The following SPEN variants were observed in gnomAD, a reference collection of about 807,000 sequenced individuals.
The protein encoded by SPEN is spen family transcriptional repressor.
SPEN carries 18 observed loss-of-function variants against 269.9 expected under a neutral mutation model. The ratio of observed to expected loss-of-function variants is 0.07; its 90% confidence interval spans 0.05 to 0.10. SPEN has a LOEUF of 0.10. Ranked by LOEUF, SPEN falls within the 10% of genes least tolerant of loss-of-function variation. SPEN has a pLI of 1.00. For missense variants in SPEN, 3,822 were observed against 4,631.2 expected (o/e 0.83, Z 5.07); for synonymous variants, 1,726 against 1,765.7 (o/e 0.98, Z 0.56).
At position 15,932,599 on chromosome 1, in the gene SPEN, C is replaced by T. The variant is rs369316558; in HGVS notation, c.6359C>T (p.Ser2120Phe). The change falls in exon 11 of 15, where the codon TCC (serine) becomes TTC (phenylalanine). Residue 2120 changes from serine to phenylalanine, a missense_variant. By Grantham distance (155) the Ser-to-Phe change is radical. This residue lies in a region of SPEN where 727 missense variants were observed against 737.9 expected (regional missense o/e 0.99). Coordinates refer to ENST00000375759, the MANE Select transcript of SPEN (RefSeq NM_015001.3). This position sits in a 1 kb window ranked among gnomAD's most constrained non-coding sequence, Gnocchi z 4.2. ...AGGGAATCTGGGGTGGTGGCAGTCT[C>T]CCCTGAGAAAAGTGAGAGTCCCCAA... ...GERESGVVAVSPEKSESPQKE... is the reference protein window; with the variant it reads ...GERESGVVAVFPEKSESPQKE... The T allele has an allele frequency of 1.9e-6, 3 of 1,606,252 alleles. No individual in the cohort carries two copies. Among genetic ancestry groups the T allele is most frequent in the Non-Finnish European group, 2.6e-6 (3 of 1,175,102 alleles).
chr1:15,936,642 C>CGAAAAAAAAA (rs2071278121), intron 11 of SPEN, among the ~76,000 whole-genome samples: 1 of 123,788 alleles, frequency 8.1e-6, no homozygotes. Context: ...GACCCAGTCT[C>CGAAAAAAAAA]AAAAAAAAAA....
At chr1:15,859,382 G>C (rs1001116954) in intron 1 of SPEN, among the ~76,000 whole-genome samples, 5 of 146,066 alleles carry the variant, frequency 3.4e-5, no homozygotes, top group African/African-American at 1.3e-4. Context: ...TTTTGAGAGG[G>C]AGTCTTGCTC....
intron 1 of SPEN, among the ~76,000 whole-genome samples, chr1:15,869,451 TTAC>T (rs2070551225): frequency 6.6e-6 from 1 of 152,244 alleles, no homozygotes; most frequent in Non-Finnish European, 1.5e-5. Context: ...AGTATTAATG[TTAC>T]TACATTAGTG....
At chr1:15,912,040 T>TA (rs1397646720) in intron 5 of SPEN, among the ~76,000 whole-genome samples, 1 of 152,276 alleles carries the variant, frequency 6.6e-6, no homozygotes, top group Non-Finnish European at 1.5e-5. Flanking sequence ...TTATTTCTAT[T>TA]ATGTCCAATA....
intron 1 of SPEN, among the ~76,000 whole-genome samples, chr1:15,851,898 G>A (rs2148700741): frequency 6.6e-6 from 1 of 152,258 alleles, no homozygotes; most frequent in South Asian, 2.1e-4. Flanking sequence ...CAGGGGAATT[G>A]CTTGAACCTG....
chr1:15,934,711 C>A lies in SPEN; in HGVS notation c.8471C>A (p.Thr2824Asn). The A allele has an allele frequency of 6.2e-7, 1 of 1,614,168 alleles. No homozygotes were observed. The highest frequency in any genetic ancestry group is 8.5e-7 in the Non-Finnish European group (1 of 1,180,028). Residue 2824 changes from threonine to asparagine, a missense_variant, in exon 11 of 15, where the codon ACC becomes AAC. Physicochemically the swap from Thr to Asn is moderately conservative, Grantham distance 65. This residue lies in a region of SPEN where 329 missense variants were observed against 431.2 expected (regional missense o/e 0.76). Coordinates refer to ENST00000375759, the MANE Select transcript of SPEN (RefSeq NM_015001.3). The surrounding 1 kb of genome is among the most constrained non-coding windows in gnomAD (Gnocchi z 9.2). ...CTCCTGAGTTACTCAGGGCAGAAGACCGAAGGCCCACAGCGGATCAGCGCC... is the reference window on the plus strand; with the variant it reads ...CTCCTGAGTTACTCAGGGCAGAAGAACGAAGGCCCACAGCGGATCAGCGCC... ...VVLLSYSGQK[T>N]EGPQRISAKI... is the part of the protein sequence containing the mutation.
In SPEN at chr1:15,848,534, G is replaced by A. The variant is rs921137600; in HGVS notation, c.83+384G>A. On this transcript the variant is annotated intron_variant, in intron 1 of 14. Transcript: ENST00000375759. This position sits in a 1 kb window ranked among gnomAD's most constrained non-coding sequence, Gnocchi z 5.1. ...CGCAGTGCCCGGCCCGGAGCAGCCG[G>A]GACCCGAGCCCGCCCGACAGCCGGG... is the stretch of plus-strand genomic sequence containing the variant. Among the ~76,000 whole-genome samples the A allele has an allele frequency of 3.9e-5, 6 of 152,054 alleles. No individual in the cohort carries two copies.
chr1:15,880,163 T>G (rs1366561596), intron 3 of SPEN, among the ~76,000 whole-genome samples: 1 of 152,196 alleles, frequency 6.6e-6, no homozygotes, highest in Non-Finnish European at 1.5e-5. Context: ...GGCACCTTCT[T>G]ACCGTGGGCT....
chr1:15,868,624 T>C (rs1050855554), intron 1 of SPEN, among the ~76,000 whole-genome samples: 3 of 151,818 alleles, frequency 2.0e-5, no homozygotes, highest in African/African-American at 7.3e-5. Flanking sequence ...TTAGTAGAGA[T>C]GGGGTTTCAC....
chr1:15,932,842 A>G lies in SPEN; in HGVS notation c.6602A>G (p.Glu2201Gly). ...GATGCACCAGAGGGCCTTGCCCCAG[A>G]GGACAGGGACAAGCCTGCACACCAA... ...KADAPEGLAP[E>G]DRDKPAHQAS... is the part of the protein sequence containing the mutation. Residue 2201 changes from glutamate to glycine, a missense_variant, in exon 11 of 15, where the codon GAG becomes GGG. Transcript: ENST00000375759. This position sits in a 1 kb window ranked among gnomAD's most constrained non-coding sequence, Gnocchi z 4.2. 6.2e-7 allele frequency: 1 copy of G among 1,614,226 alleles called. No homozygotes were observed. The highest frequency in any genetic ancestry group is 8.5e-7 in the Non-Finnish European group (1 of 1,180,032).
In SPEN at chr1:15,931,060, T is replaced by C. The variant is rs775614667; in HGVS notation, c.4820T>C (p.Val1607Ala). ...GAAAAAGACCAGAAACCCAAAGAGG[T>C]TGAGAAACAGGAAGATACAGAGAAT... The part of the protein sequence containing the change: ...EKEKDQKPKE[V>A]EKQEDTENHP... The change falls in exon 11 of 15, where the codon GTT becomes GCT. Residue 1607 changes from valine (V) to alanine (A), a missense_variant. Physicochemically the swap from Val to Ala is moderately conservative, Grantham distance 64. Coordinates refer to ENST00000375759, the MANE Select transcript of SPEN (RefSeq NM_015001.3). This position sits in a 1 kb window ranked among gnomAD's most constrained non-coding sequence, Gnocchi z 4.8. 1.5e-5 allele frequency: 24 copies of C among 1,613,310 alleles called. No homozygotes were observed. Among genetic ancestry groups the C allele is most frequent in the Non-Finnish European group, 2.0e-5 (24 of 1,179,840 alleles).
Position 15,932,990 on chromosome 1 carries a change from C to A in SPEN, c.6750C>A (p.Pro2250=), listed in dbSNP as rs146031154. ...AATCCCAGACAGATCTGCAACCCCCCGCAGGTGCACAGGCGCTGCAGCCTT... is the reference window on the plus strand; with the variant it reads ...AATCCCAGACAGATCTGCAACCCCCAGCAGGTGCACAGGCGCTGCAGCCTT... The part of the protein sequence containing the change: ...PGESQTDLQP[P]AGAQALQPSE... The change falls in exon 11 of 15, where the codon CCC becomes CCA. Residue 2250 remains proline, a synonymous_variant. Transcript: ENST00000375759. The surrounding 1 kb of genome is among the most constrained non-coding windows in gnomAD (Gnocchi z 4.2). 1.9e-6 allele frequency: 3 copies of A among 1,614,166 alleles called. No individual in the cohort carries two copies. The highest frequency in any genetic ancestry group is 2.5e-6 in the Non-Finnish European group (3 of 1,180,018).
Position 15,938,022 on chromosome 1 carries a change from C to A in SPEN, c.10704+16C>A. On this transcript the variant is annotated intron_variant, in intron 13 of 14. Coordinates refer to ENST00000375759, the MANE Select transcript of SPEN (RefSeq NM_015001.3). ...AAGGATGACGGTAAGACTCTCAGGC[C>A]CAGGTGAGCAACTGCCCCACCTACA... The A allele has an allele frequency of 6.3e-7, 1 of 1,582,516 alleles. No homozygotes were observed. The highest frequency in any genetic ancestry group is 1.1e-5 in the South Asian group (1 of 87,734).
At chr1:15,873,849 G>T in intron 2 of SPEN, 1 of 1,065,870 alleles carries the variant, frequency 9.4e-7, no homozygotes, top group Non-Finnish European at 1.1e-6. Context: ...GGATATATGG[G>T]ATGTCTTGCT....
intron 3 of SPEN, among the ~76,000 whole-genome samples, chr1:15,894,098 T>C (rs2070815646): frequency 6.6e-6 from 1 of 152,180 alleles, no homozygotes; most frequent in African/African-American, 2.4e-5. Flanking sequence ...CCACTTGGAA[T>C]TAAAACACAC....
At chr1:15,872,782 T>TA in intron 1 of SPEN, 34 bp from the exon 2 acceptor site, 1 of 1,456,378 alleles carries the variant, frequency 6.9e-7, no homozygotes, top group Non-Finnish European at 9.1e-7. Context: ...AAATTATTGA[T>TA]ATGCAGCAAT....
intron 3 of SPEN, among the ~76,000 whole-genome samples, chr1:15,879,592 A>G (rs1055929882): frequency 6.6e-6 from 1 of 152,196 alleles, no homozygotes; most frequent in African/African-American, 2.4e-5. Flanking sequence ...TATTTTATCA[A>G]GTTAGGGTAG....
In SPEN at chr1:15,931,343, C is replaced by T. The variant is rs145472748; in HGVS notation, c.5103C>T (p.Asp1701=). The change falls in exon 11 of 15, where the codon GAC becomes GAT. Residue 1701 remains aspartate (D), a synonymous_variant. Coordinates refer to ENST00000375759, the MANE Select transcript of SPEN (RefSeq NM_015001.3). This position sits in a 1 kb window ranked among gnomAD's most constrained non-coding sequence, Gnocchi z 4.8. The part of the protein sequence containing the change: ...PAPVEQLEQV[D]LPPGADPDKE... ...CTGTGGAACAGCTGGAACAAGTAGA[C>T]CTGCCCCCAGGAGCAGACCCCGATA... is the stretch of plus-strand genomic sequence containing the variant. 2.9e-4 allele frequency: 463 copies of T among 1,614,060 alleles called. 1 individual carries two copies. The highest frequency in any genetic ancestry group is 3.8e-4 in the Non-Finnish European group (451 of 1,180,032).
At chr1:15,861,782 C>T (rs1293223392) in intron 1 of SPEN, among the ~76,000 whole-genome samples, 1 of 152,108 alleles carries the variant, frequency 6.6e-6, no homozygotes, top group Admixed American at 6.6e-5. Flanking sequence ...TGGCTCACTC[C>T]TGTAATCCCA....
Sources: gnomAD v4.1 joint callset for allele counts (sites outside exome capture counted in the v4.1 genomes callset) on GRCh38, gnomAD v4.1.1 for gene constraint, gnomAD v4.1.1 regional missense constraint, Gnocchi (gnomAD v3.1) non-coding constraint, MANE v1.5 for transcripts, NCBI Gene and HGNC (gene_info 2026-07-23, HGNC 2026-07-21) for gene names.